AAGAB: variants seen among roughly 807,000 people sequenced by gnomAD.
The protein encoded by AAGAB is alpha- and gamma-adaptin-binding protein p34.
AAGAB carries 38 observed loss-of-function variants against 44.1 expected under a neutral mutation model. The ratio of observed to expected loss-of-function variants is 0.86; its 90% CI spans 0.67 to 1.13. The LOEUF is 1.13. AAGAB is among the 50% of genes most tolerant of loss of function. AAGAB has a pLI of 0.00. For missense variants in AAGAB, 450 were observed against 373.8 expected (o/e 1.20, Z -1.68); for synonymous variants, 131 against 131.8 (o/e 0.99, Z 0.04).
intron 5 of AAGAB, among the ~76,000 whole-genome samples, chr15:67,225,060 AT>A (rs574091937): frequency 6.6e-6 from 1 of 152,300 alleles, no homozygotes; most frequent in Non-Finnish European, 1.5e-5. Context: ...GTATATTTGA[AT>A]CCCGGAGGCA....
At chr15:67,207,217 AACAC>A (rs1009808740) in intron 7 of AAGAB, among the ~76,000 whole-genome samples, 2 of 151,982 alleles carry the variant, frequency 1.3e-5, no homozygotes, top group African/African-American at 4.8e-5. Flanking sequence ...AAAACACAAC[AACAC>A]ACACACACAA....
chr15:67,236,967 A>C (rs1964486061), intron 1 of AAGAB, 147 bp from the exon 2 acceptor site: 1 of 593,040 alleles, frequency 1.7e-6, no homozygotes, highest in Non-Finnish European at 2.9e-6. Flanking sequence ...ATTAGCTTTA[A>C]TCCTATATTC....
intron 7 of AAGAB, among the ~76,000 whole-genome samples, chr15:67,204,610 T>C (rs950875189): frequency 6.6e-5 from 10 of 152,128 alleles, no homozygotes; most frequent in Admixed American, 1.3e-4. Flanking sequence ...GATAACATTA[T>C]CTGAGAATAA....
chr15:67,208,980 A>C (rs1280876922), intron 6 of AAGAB, among the ~76,000 whole-genome samples: 1 of 152,214 alleles, frequency 6.6e-6, no homozygotes, highest in Non-Finnish European at 1.5e-5. Context: ...AATAGCTCAG[A>C]GGCTGTTGAA....
At chr15:67,235,798 C>CA (rs1438475349) in intron 4 of AAGAB, among the ~76,000 whole-genome samples, 181 bp downstream of exon 4, 8 of 151,812 alleles carry the variant, frequency 5.3e-5, no homozygotes, top group Non-Finnish European at 5.9e-5. Flanking sequence ...GTGGTAAAAC[C>CA]AAAAAAATGA....
rs55690815 is a variant in AAGAB, at chr15:67,251,236, C to CTGTGTGTG, written c.73+3315_73+3322dup. Among the ~76,000 whole-genome samples, 1,155 of 147,488 alleles carry CTGTGTGTG rather than the reference C, an allele frequency of 7.8e-3. 14 individuals carry two copies. The highest frequency in any genetic ancestry group is 0.069 in the East Asian group (343 of 4,996). On this transcript the variant is annotated intron_variant, in intron 1 of 9. Transcript: ENST00000261880. ...AGTGCGTGTGTGTGTGTGTGTGTGTCTGTGTGTGTGTGTGTGTGTGTATTT... is the reference window on the plus strand; with the variant it reads ...AGTGCGTGTGTGTGTGTGTGTGTGTCTGTGTGTGTGTGTGTGTGTGTGTGTGTGTATTT...
chr15:67,221,693 CT>C (rs1245141117), intron 5 of AAGAB, among the ~76,000 whole-genome samples: 3 of 152,188 alleles, frequency 2.0e-5, no homozygotes, highest in South Asian at 2.1e-4. Context: ...CCATACCCCC[CT>C]GGGTCTCAGT....
chr15:67,209,414 G>A (rs769167919), intron 6 of AAGAB, 48 bp downstream of exon 6: 1 of 1,395,554 alleles, frequency 7.2e-7, no homozygotes, highest in South Asian at 1.2e-5. Flanking sequence ...TAATGACAAG[G>A]AGAAATTAAA....
At chr15:67,227,027 C>T (rs1192054862) in intron 5 of AAGAB, 2 of 170,350 alleles carry the variant, frequency 1.2e-5, no homozygotes, top group Non-Finnish European at 2.6e-5. Context: ...GTTCATAATC[C>T]TTACAAGAGC....
At chr15:67,206,304 T>C (rs1486146954) in intron 7 of AAGAB, among the ~76,000 whole-genome samples, 1 of 152,252 alleles carries the variant, frequency 6.6e-6, no homozygotes, top group African/African-American at 2.4e-5. Flanking sequence ...ATATGTCTTA[T>C]TACCAGTGAT....
intron 5 of AAGAB, among the ~76,000 whole-genome samples, chr15:67,225,921 T>A (rs894924696): frequency 2.0e-5 from 3 of 152,224 alleles, no homozygotes; most frequent in Non-Finnish European, 2.9e-5. Flanking sequence ...GGTAATTCTA[T>A]GTTTAACTTT....
At chr15:67,209,370 G>A (rs1206063488) in intron 6 of AAGAB, 92 bp downstream of exon 6, 1 of 1,108,968 alleles carries the variant, frequency 9.0e-7, no homozygotes, top group Non-Finnish European at 1.4e-6. Flanking sequence ...CTTTTAAATG[G>A]AAAGGAAAAC....
At chr15:67,238,617 A>C (rs1182947051) in intron 1 of AAGAB, among the ~76,000 whole-genome samples, 1 of 152,214 alleles carries the variant, frequency 6.6e-6, no homozygotes, top group Non-Finnish European at 1.5e-5. Context: ...AAAGAAAGAA[A>C]CTAAAACAAG....
At chr15:67,254,706 G>A, upstream of AAGAB, 1 of 1,477,938 alleles carries the variant, frequency 6.8e-7, no homozygotes, top group Middle Eastern at 2.1e-4. Flanking sequence ...GGCGCGAGGG[G>A]GAGACAGGCC....
rs865986004 is a variant in AAGAB at position 67,236,414 on chromosome 15, C to T, written c.355G>A (p.Glu119Lys). 1.2e-6 allele frequency: 2 copies of T among 1,614,016 alleles called. No individual in the cohort carries two copies. Among genetic ancestry groups the T allele is most frequent in the Non-Finnish European group, 1.7e-6 (2 of 1,179,912 alleles). The change falls in exon 3 of 10, where the codon GAA becomes AAA. Residue 119 changes from glutamate to lysine, a missense_variant. Physicochemically the swap from Glu to Lys is moderately conservative, Grantham distance 56 (BLOSUM62 1). Transcript: ENST00000261880. ...TCCCATCCACAGGCCTTACCATCTTCAGACACTCTATCGCAGACCAAGATC... is the reference window on the plus strand; with the variant it reads ...TCCCATCCACAGGCCTTACCATCTTTAGACACTCTATCGCAGACCAAGATC... ...VMILVCDRVS[E>K]DGINRQKAQE...
intron 1 of AAGAB, 57 bp downstream of exon 1, chr15:67,254,502 C>T (rs1039574865): frequency 8.5e-6 from 13 of 1,538,024 alleles, no homozygotes; most frequent in African/African-American, 6.8e-5. Flanking sequence ...GTGCTGGGTC[C>T]GTCGCCCGCT....
chr15:67,206,445 TCTC>T (rs1963686784), intron 7 of AAGAB, among the ~76,000 whole-genome samples: 1 of 152,182 alleles, frequency 6.6e-6, no homozygotes, highest in Admixed American at 6.5e-5. Flanking sequence ...ATATACTACT[TCTC>T]CTCAAACTTT....
At chr15:67,240,484 G>C (rs778619688) in intron 1 of AAGAB, among the ~76,000 whole-genome samples, 4 of 152,090 alleles carry the variant, frequency 2.6e-5, no homozygotes, top group Non-Finnish European at 4.4e-5. Flanking sequence ...ACAAACACTA[G>C]GTGTTTACTT....
chr15:67,226,792 CTT>C (rs1964214498), intron 5 of AAGAB: 2 of 155,324 alleles, frequency 1.3e-5, no homozygotes, highest in African/African-American at 4.8e-5. Flanking sequence ...GTTGTTCAGA[CTT>C]ATAATAATCA....
Sources: gnomAD v4.1 joint callset for allele counts (sites outside exome capture counted in the v4.1 genomes callset) on GRCh38, gnomAD v4.1.1 for gene constraint, MANE v1.5 for transcripts, NCBI Gene and HGNC (gene_info 2026-07-23, HGNC 2026-07-21) for gene names.